ZNF69: variants seen among roughly 807,000 people sequenced by gnomAD.
ZNF69 encodes the protein zinc finger protein 69.
In ZNF69, 47 loss-of-function variants were observed where a neutral mutation model predicts 50.9. That is an observed-to-expected ratio of 0.92 (90% CI 0.73 to 1.18). The LOEUF is 1.18. Among genes scored for constraint, ZNF69 ranks in the 50% most tolerant of loss-of-function variants. The probability of loss-of-function intolerance (pLI) is 0.00; values close to 1 mark genes in which losing one functional copy is unlikely to be tolerated. For synonymous variants in ZNF69, 216 were observed against 223.1 expected (o/e 0.97, Z 0.29); for missense variants, 717 against 675.1 (o/e 1.06, Z -0.69).
chr19:11,951,481 G>A, the ZNF69 span, among the ~76,000 whole-genome samples: 7 of 151,672 alleles, frequency 4.6e-5, no homozygotes, highest in African/African-American at 7.3e-5. Context: ...TGCCCACCTC[G>A]GCTTCCTAAA....
the ZNF69 span, chr19:11,965,008 T>A: frequency 1.8e-4 from 90 of 487,114 alleles, no homozygotes; most frequent in East Asian, 2.7e-4. Flanking sequence ...GCCCTGCCCA[T>A]TGTTTATCCA....
At chr19:11,919,126 C>G (rs901951194), downstream of ZNF69, among the ~76,000 whole-genome samples, 4 of 152,090 alleles carry the variant, frequency 2.6e-5, no homozygotes, top group Admixed American at 6.6e-5. Flanking sequence ...CAATCTCCTG[C>G]CCTCGTGATC....
At chr19:11,930,856 A>G in the ZNF69 span, among the ~76,000 whole-genome samples, 1 of 147,914 alleles carries the variant, frequency 6.8e-6, no homozygotes, top group East Asian at 1.9e-4. Flanking sequence ...AAAATTAGCC[A>G]AGCATAGTGG....
the ZNF69 span, among the ~76,000 whole-genome samples, chr19:11,932,600 T>A: frequency 6.8e-6 from 1 of 147,554 alleles, no homozygotes; most frequent in Non-Finnish European, 1.5e-5. Flanking sequence ...CAGTATATTT[T>A]ATTTTTGCAT....
chr19:11,930,409 TGGAGGAACTG>T, the ZNF69 span, among the ~76,000 whole-genome samples: 1 of 148,436 alleles, frequency 6.7e-6, no homozygotes, highest in Non-Finnish European at 1.5e-5. Flanking sequence ...GTTGACCACA[TGGAGGAACTG>T]GGAGGAGGTG....
the ZNF69 span, among the ~76,000 whole-genome samples, chr19:11,958,444 G>A: frequency 6.6e-6 from 1 of 152,136 alleles, no homozygotes; most frequent in South Asian, 2.1e-4. Context: ...GCTTAGTGCT[G>A]GAGAATTCGC....
chr19:11,961,579 G>A, the ZNF69 span: 9 of 152,158 alleles, frequency 5.9e-5, no homozygotes, highest in African/African-American at 2.2e-4. Flanking sequence ...GCTGGTAATA[G>A]TAGTGATAGC....
chr19:11,970,888 G>A, the ZNF69 span, among the ~76,000 whole-genome samples: 4 of 152,070 alleles, frequency 2.6e-5, no homozygotes, highest in South Asian at 2.1e-4. Context: ...CCGAGATCCC[G>A]CCTTTGCCCT....
chr19:11,954,530 C>T, the ZNF69 span, among the ~76,000 whole-genome samples: 1 of 152,088 alleles, frequency 6.6e-6, no homozygotes, highest in South Asian at 2.1e-4. Context: ...GGTTTGTCTC[C>T]TTATAAAGAA....
the ZNF69 span, among the ~76,000 whole-genome samples, chr19:11,932,558 T>C: frequency 6.8e-6 from 1 of 148,130 alleles, no homozygotes; most frequent in Non-Finnish European, 1.5e-5. Context: ...TACTTTTCTT[T>C]ATACTTCCCC....
chr19:11,947,386 G>A, the ZNF69 span: 3 of 1,607,354 alleles, frequency 1.9e-6, no homozygotes, highest in Non-Finnish European at 2.5e-6. Flanking sequence ...GAGTGATTTT[G>A]AACATAGACA....
At chr19:11,935,539 T>A in the ZNF69 span, among the ~76,000 whole-genome samples, 2 of 152,020 alleles carry the variant, frequency 1.3e-5, no homozygotes, top group Non-Finnish European at 2.9e-5. Flanking sequence ...GCTTTTTGCT[T>A]CTTTTTTGAT....
chr19:11,977,205 C>T, the ZNF69 span: 5 of 1,611,516 alleles, frequency 3.1e-6, no homozygotes, highest in Non-Finnish European at 4.2e-6. Flanking sequence ...CATTAGTGAA[C>T]CAGTGTTTCT....
chr19:11,979,187 C>T, the ZNF69 span: 2 of 1,611,976 alleles, frequency 1.2e-6, no homozygotes, highest in African/African-American at 2.7e-5. Context: ...GGAGAGAAAC[C>T]CTATAAATGC....
At chr19:11,929,774 C>T in the ZNF69 span, among the ~76,000 whole-genome samples, 5 of 147,964 alleles carry the variant, frequency 3.4e-5, no homozygotes, top group African/African-American at 1.3e-4. Context: ...CCTAACTCTT[C>T]AAGGGCTTGC....
chr19:11,887,810 C>A lies in ZNF69; in HGVS notation c.-114C>A. The A allele has an allele frequency of 1.2e-6, 1 of 820,920 alleles. No homozygotes were observed. Among genetic ancestry groups the A allele is most frequent in the Non-Finnish European group, 1.9e-6 (1 of 517,598 alleles). 50.9% of individuals were successfully genotyped at this position (820,920 alleles called of 1,614,324 possible). ...GTTCCTCCAGACACTGAGGGGGTCGCATTCCTTACCTCACCTTTGTCCCTG... is the reference window on the plus strand; with the variant it reads ...GTTCCTCCAGACACTGAGGGGGTCGAATTCCTTACCTCACCTTTGTCCCTG... On this transcript the variant is annotated 5_prime_UTR_variant, in exon 1 of 4. Coordinates refer to ENST00000429654, the MANE Select transcript of ZNF69 (RefSeq NM_001364730.1).
the ZNF69 span, among the ~76,000 whole-genome samples, chr19:11,962,059 A>G: frequency 4.6e-5 from 7 of 152,198 alleles, no homozygotes; most frequent in African/African-American, 1.7e-4. Flanking sequence ...CCAGCGATCT[A>G]TCTGCCTTGG....
At position 11,911,921 on chromosome 19, in the gene ZNF69, A is replaced by G. The variant is rs912299044; in HGVS notation, c.449-1488A>G. ...CCAAGTCATTTCAAATACATGAAAA[A>G]TCTTACACTGGAGAGAAACCCTATG... On this transcript the variant is annotated intron_variant, in intron 4 of 4. Coordinates refer to the ZNF69 transcript ENST00000340180. Among the ~76,000 whole-genome samples the G allele has an allele frequency of 1.1e-4, 16 of 152,334 alleles. No homozygotes were observed. In the East Asian group the frequency reaches 3.1e-3, roughly 29 times the overall value.
At chr19:11,907,101 A>G (rs567445502), downstream of ZNF69, among the ~76,000 whole-genome samples, 1 of 152,288 alleles carries the variant, frequency 6.6e-6, no homozygotes, top group East Asian at 1.9e-4. Flanking sequence ...AAATGGATGA[A>G]ATGAAGTGAG....
Sources: allele counts gnomAD v4.1 joint callset (sites outside exome capture counted in the v4.1 genomes callset), GRCh38; gene constraint gnomAD v4.1.1; transcripts MANE v1.5; gene names NCBI Gene and HGNC (gene_info 2026-07-23, HGNC 2026-07-21).